Variants in YPEL2 observed in about 807,000 individuals in gnomAD.
YPEL2 encodes the protein protein yippee-like 2.
YPEL2 carries 2 observed loss-of-function variants against 19.1 expected under a neutral mutation model. That is an observed-to-expected ratio of 0.10 (90% confidence interval 0.04 to 0.33). The LOEUF is 0.33. YPEL2 is among the 10% of genes least tolerant of loss of function. YPEL2 has a pLI of 1.00. For missense variants in YPEL2, 66 were observed against 140.7 expected, an observed-to-expected ratio of 0.47 and a Z score of 2.68; for synonymous variants, 52 against 50.0, an observed-to-expected ratio of 1.04 and a Z score of -0.17.
At chr17:59,386,302 G>A (rs1034474483) in intron 2 of YPEL2, among the ~76,000 whole-genome samples, 26 of 151,744 alleles carry the variant, frequency 1.7e-4, no homozygotes, top group African/African-American at 6.3e-4. Context: ...ACTCCAGCCT[G>A]GGTGACAGAG....
chr17:59,376,096 T>C (rs2047919545), intron 2 of YPEL2, among the ~76,000 whole-genome samples: 2 of 152,248 alleles, frequency 1.3e-5, no homozygotes, highest in Non-Finnish European at 2.9e-5. Flanking sequence ...AGTCTCATTC[T>C]GTTTAGGCTC....
At chr17:59,392,507 GTTTTT>G (rs3063116) in intron 4 of YPEL2, among the ~76,000 whole-genome samples, 1 of 103,174 alleles carries the variant, frequency 9.7e-6, no homozygotes, top group Non-Finnish European at 1.9e-5. Flanking sequence ...CTCAGGGCAC[GTTTTT>G]TTTTTTTTTT....
chr17:59,338,321 AGT>A (rs1258070328), intron 1 of YPEL2, among the ~76,000 whole-genome samples: 2 of 152,356 alleles, frequency 1.3e-5, no homozygotes, highest in Admixed American at 6.5e-5. Flanking sequence ...GACCAAGTTC[AGT>A]TGCACCAGAG....
At chr17:59,351,331 T>C (rs1016669787) in intron 1 of YPEL2, among the ~76,000 whole-genome samples, 11 of 152,002 alleles carry the variant, frequency 7.2e-5, no homozygotes, top group Non-Finnish European at 1.5e-4. Context: ...GCCGAGATCA[T>C]GCCACTGTAC....
At chr17:59,380,422 A>G (rs2047943291) in intron 2 of YPEL2, among the ~76,000 whole-genome samples, 2 of 151,154 alleles carry the variant, frequency 1.3e-5, no homozygotes, top group South Asian at 4.2e-4. Context: ...GGCATGCATC[A>G]CCACGCCCAG....
At chr17:59,364,489 G>T (rs891088887) in intron 2 of YPEL2, among the ~76,000 whole-genome samples, 1 of 152,088 alleles carries the variant, frequency 6.6e-6, no homozygotes, top group Non-Finnish European at 1.5e-5. Context: ...CGTCTTCTGA[G>T]TCTAATGTAG....
Position 59,389,346 on chromosome 17 carries a change from G to T in YPEL2, c.162-14G>T. On this transcript the variant is annotated splice_polypyrimidine_tract_variant and intron_variant, in intron 3 of 4. Transcript: ENST00000312655. ...CACTAACTACCCACTCTCTCTTCTTGTGCCTCGACATAGAGTTAATGTGGG... is the reference window on the plus strand; with the variant it reads ...CACTAACTACCCACTCTCTCTTCTTTTGCCTCGACATAGAGTTAATGTGGG... 2 of 1,610,976 alleles carry T rather than the reference G, an allele frequency of 1.2e-6. No homozygotes were observed. The highest frequency in any genetic ancestry group is 8.5e-7 in the Non-Finnish European group (1 of 1,177,904).
chr17:59,391,240 G>A (rs1261544666), intron 4 of YPEL2, among the ~76,000 whole-genome samples: 2 of 152,092 alleles, frequency 1.3e-5, no homozygotes, highest in East Asian at 1.9e-4. Context: ...CAAACCTGCC[G>A]CAGAGTGCTG....
rs1031891830 is a variant in YPEL2, at chr17:59,387,823, G to A, written c.118-504G>A. ...GGATCTTCTAGAAGGCATGACAAGC[G>A]ATAAGTGTGGGTTGGATAGTTTTTT... On this transcript the variant is annotated intron_variant, in intron 2 of 4. Coordinates refer to ENST00000312655, the MANE Select transcript of YPEL2 (RefSeq NM_001005404.4). Among the ~76,000 whole-genome samples the A allele has an allele frequency of 6.6e-5, 10 of 152,322 alleles. No homozygotes were observed. The East Asian group carries it at 9.6e-4, about 15-fold the overall frequency.
intron 2 of YPEL2, among the ~76,000 whole-genome samples, chr17:59,385,248 C>T (rs1032553848): frequency 4.6e-5 from 7 of 152,140 alleles, no homozygotes; most frequent in Non-Finnish European, 7.3e-5. Flanking sequence ...CACATATACA[C>T]TGTAAAAGAA....
intron 2 of YPEL2, among the ~76,000 whole-genome samples, chr17:59,359,893 G>A (rs1440115042): frequency 6.6e-6 from 1 of 152,134 alleles, no homozygotes; most frequent in Non-Finnish European, 1.5e-5. Flanking sequence ...TTGAATGTCA[G>A]TGTTTCTTTT....
chr17:59,334,398 G>A (rs1323717045), intron 1 of YPEL2, among the ~76,000 whole-genome samples: 1 of 147,968 alleles, frequency 6.8e-6, no homozygotes, highest in East Asian at 2.0e-4. Flanking sequence ...TTTGGGGGGG[G>A]GTGAGGAGTC....
In YPEL2 at chr17:59,398,129, A is replaced by T. The variant is rs2048050344; in HGVS notation, c.*939A>T. On this transcript the variant is annotated 3_prime_UTR_variant, in exon 5 of 5. Transcript: ENST00000312655. ...ATATTGAGTCAGAGAAATAAAAAGT[A>T]GGATCAGTTAGCAATTCTAACTGCC... is the stretch of plus-strand genomic sequence containing the variant. 1 of 152,272 alleles carries T rather than the reference A, an allele frequency of 6.6e-6. No individual in the cohort carries two copies. Among genetic ancestry groups the T allele is most frequent in the Non-Finnish European group, 1.5e-5 (1 of 68,070 alleles). The allele number at this position is 152,272 out of a possible 1,614,324, so 9.4% of individuals were successfully genotyped here. A position where few individuals can be genotyped will look rare whatever the true frequency, so the allele number is the denominator to read the frequency against.
chr17:59,384,103 C>T (rs376459293), intron 2 of YPEL2, among the ~76,000 whole-genome samples: 2 of 152,286 alleles, frequency 1.3e-5, no homozygotes, highest in East Asian at 1.9e-4. Flanking sequence ...CACATTCATG[C>T]CAACACTTGG....
At chr17:59,387,705 C>T (rs565743519) in intron 2 of YPEL2, among the ~76,000 whole-genome samples, 82 of 152,338 alleles carry the variant, frequency 5.4e-4, no homozygotes, top group Non-Finnish European at 9.4e-4. Flanking sequence ...ATTGCTGCTT[C>T]ATGAGCATTT....
At chr17:59,364,759 G>A (rs1430532241) in intron 2 of YPEL2, among the ~76,000 whole-genome samples, 5 of 152,126 alleles carry the variant, frequency 3.3e-5, no homozygotes, top group Admixed American at 6.6e-5. Context: ...TGGATTACAG[G>A]TGCCTGCCAC....
At chr17:59,370,674 G>A (rs1349984591) in intron 2 of YPEL2, among the ~76,000 whole-genome samples, 1 of 152,148 alleles carries the variant, frequency 6.6e-6, no homozygotes, top group Non-Finnish European at 1.5e-5. Flanking sequence ...ACCAAACATG[G>A]CACCCCAGAT....
At chr17:59,345,910 C>T (rs1374435444) in intron 1 of YPEL2, among the ~76,000 whole-genome samples, 2 of 152,092 alleles carry the variant, frequency 1.3e-5, no homozygotes. Flanking sequence ...GCAATTTGCC[C>T]AGTGGTAATG....
intron 2 of YPEL2, among the ~76,000 whole-genome samples, chr17:59,387,534 G>A (rs530685219): frequency 1.3e-5 from 2 of 152,214 alleles, no homozygotes; most frequent in East Asian, 3.9e-4. Flanking sequence ...ATGTCAGGCC[G>A]ACTTCTCAGT....
Sources: allele counts gnomAD v4.1 joint callset (sites outside exome capture counted in the v4.1 genomes callset), GRCh38; gene constraint gnomAD v4.1.1; transcripts MANE v1.5; gene names NCBI Gene and HGNC (gene_info 2026-07-23, HGNC 2026-07-21).